Variants in TMEM69 observed in about 807,000 individuals in gnomAD.
TMEM69 encodes transmembrane protein 69.
A neutral mutation model predicts 15.8 loss-of-function variants in TMEM69; 17 were observed. The observed-to-expected ratio is 1.07, with a 90% CI of 0.73 to 1.61. The LOEUF is 1.61. TMEM69 is among the 40% of genes most tolerant of loss of function. The pLI is 0.00. For missense variants in TMEM69, 230 were observed against 286.1 expected (o/e 0.80, Z 1.41); for synonymous variants, 80 against 98.6 (o/e 0.81, Z 1.12).
At position 45,693,774 on chromosome 1, in the gene TMEM69, C is replaced by T. The variant is rs777574511; in HGVS notation, c.613C>T (p.Pro205Ser). 2 of 1,614,202 alleles carry T rather than the reference C, an allele frequency of 1.2e-6. No homozygotes were observed. Among genetic ancestry groups the T allele is most frequent in the Non-Finnish European group, 1.7e-6 (2 of 1,180,034 alleles). Reference protein sequence around the residue: ...VAFHLELFLLPHYPNWFKALR... With the variant: ...VAFHLELFLLSHYPNWFKALR... ...ATTCCACCTTGAACTTTTTCTCTTA[C>T]CACATTATCCCAACTGGTTTAAAGC... Residue 205 changes from proline (P) to serine (S), a missense_variant, in exon 3 of 3, where the codon CCA becomes TCA. Pro to Ser is a moderately conservative substitution (Grantham distance 74). Transcript: ENST00000372025.
At chr1:45,690,591 G>C (rs1210705995) in intron 1 of TMEM69, among the ~76,000 whole-genome samples, 1 of 151,496 alleles carries the variant, frequency 6.6e-6, no homozygotes, top group Non-Finnish European at 1.5e-5. Context: ...CCCAAAATAG[G>C]AGGAAAAAAG....
rs56215132 is a variant in TMEM69, at chr1:45,693,329, G to A, written c.168G>A (p.Ala56=). The A allele has an allele frequency of 7.9e-3, 12,739 of 1,613,958 alleles. 454 individuals carry two copies. The East Asian group carries it at 0.12, about 15-fold the overall frequency. The stretch of plus-strand genomic sequence containing the variant: ...CTTGGCTTTCCTCATCATTTCCAGC[G>A]TATATGAGCAAGACACAGTGCTATC... ...PRPWLSSSFP[A]YMSKTQCYHT... Residue 56 remains alanine, a synonymous_variant, in exon 3 of 3, where the codon GCG becomes GCA. Coordinates refer to ENST00000372025, the MANE Select transcript of TMEM69 (RefSeq NM_016486.4).
rs745850202 is a variant in TMEM69 at position 45,693,268 on chromosome 1, T to C, written c.107T>C (p.Met36Thr). Residue 36 changes from methionine to threonine, a missense_variant, in exon 3 of 3, where the codon ATG becomes ACG. Met to Thr is a moderately conservative substitution (Grantham distance 81, BLOSUM62 -1). Transcript: ENST00000372025. ...TSRTDILSLKMSLQQNFSPCP... is the reference protein window; with the variant it reads ...TSRTDILSLKTSLQQNFSPCP... ...AGAACAGATATACTTTCTCTCAAGA[T>C]GTCTCTCCAGCAAAACTTTTCCCCA... The C allele has an allele frequency of 6.2e-7, 1 of 1,614,224 alleles. No homozygotes were observed. Among genetic ancestry groups the C allele is most frequent in the South Asian group, 1.1e-5 (1 of 91,078 alleles).
At chr1:45,690,500 C>A (rs2148539548) in intron 1 of TMEM69, among the ~76,000 whole-genome samples, 1 of 152,202 alleles carries the variant, frequency 6.6e-6, no homozygotes, top group East Asian at 1.9e-4. Context: ...AGACTCTTGT[C>A]TCAAAACAAA....
intron 2 of TMEM69, among the ~76,000 whole-genome samples, chr1:45,691,877 G>A (rs1645347134): frequency 6.6e-6 from 1 of 150,964 alleles, no homozygotes; most frequent in African/African-American, 2.4e-5. Context: ...GCCAGGCACG[G>A]TCACTCACTC....
Position 45,688,687 on chromosome 1 carries a change from G to T in TMEM69, c.-96+412G>T, listed in dbSNP as rs554945067. ...GAGTGGTCTGGAAAGTCCTTAAGAA[G>T]AAAGTGATTTTGAACAAAAGTGATG... On this transcript the variant is annotated intron_variant, in intron 1 of 2. Coordinates refer to ENST00000372025, the MANE Select transcript of TMEM69 (RefSeq NM_016486.4). Among the ~76,000 whole-genome samples, 3 of 152,192 alleles carry T rather than the reference G, an allele frequency of 2.0e-5. No individual in the cohort carries two copies. The South Asian group carries it at 6.2e-4, about 32-fold the overall frequency.
intron 1 of TMEM69, 103 bp downstream of exon 1, chr1:45,688,378 C>T (rs1645316908): frequency 6.6e-6 from 1 of 152,222 alleles, no homozygotes; most frequent in South Asian, 2.1e-4. Flanking sequence ...CGGGCACTCT[C>T]GGGCAGGGTT....
Position 45,693,850 on chromosome 1 carries a change from T to G in TMEM69, c.689T>G (p.Leu230Ter). 1 of 1,612,830 alleles carries G rather than the reference T, an allele frequency of 6.2e-7. No homozygotes were observed. Among genetic ancestry groups the G allele is most frequent in the Non-Finnish European group, 8.5e-7 (1 of 1,179,704 alleles). Residue 230 changes from leucine (L) to a stop codon, truncating the protein, a stop_gained, in exon 3 of 3, where the codon TTA becomes TGA. Coordinates refer to ENST00000372025, the MANE Select transcript of TMEM69 (RefSeq NM_016486.4). LOFTEE classifies it high-confidence loss of function. ...LLATFSFIITLVVKSSFPEKG... is the reference protein window; with the variant it reads ...LLATFSFIIT ...GCCACTTTTTCATTTATAATCACTT[T>G]AGTAGTTAAAAGTAGTTTTCCAGAA...
At chr1:45,690,939 G>T in intron 1 of TMEM69, 35 bp from the exon 2 acceptor site, 2 of 883,382 alleles carry the variant, frequency 2.3e-6, no homozygotes, top group Non-Finnish European at 3.7e-6. Flanking sequence ...TGTATAAAAT[G>T]AGGAAAATTA....
intron 2 of TMEM69, 76 bp downstream of exon 2, chr1:45,691,186 C>A: frequency 7.8e-7 from 1 of 1,279,448 alleles, no homozygotes; most frequent in African/African-American, 1.5e-5. Flanking sequence ...GTGAAAAAGA[C>A]AAAAATCCTT....
At chr1:45,693,132 T>C in intron 2 of TMEM69, 72 bp from the exon 3 acceptor site, 1 of 1,130,602 alleles carries the variant, frequency 8.8e-7, no homozygotes, top group East Asian at 2.4e-5. Context: ...TATTTCATAC[T>C]GGGATTGACT....
At chr1:45,692,967 T>G (rs1255570107) in intron 2 of TMEM69, among the ~76,000 whole-genome samples, 1 of 152,214 alleles carries the variant, frequency 6.6e-6, no homozygotes. Flanking sequence ...ATCACTAGTT[T>G]GTGTTCAGTG....
chr1:45,691,457 C>T (rs893415920), intron 2 of TMEM69, among the ~76,000 whole-genome samples: 2 of 151,846 alleles, frequency 1.3e-5, no homozygotes, highest in Non-Finnish European at 2.9e-5. Context: ...AGAGGAGGAT[C>T]GCTTGAGCCC....
Position 45,690,969 on chromosome 1 carries a change from C to A in TMEM69, c.-95-5C>A. The A allele has an allele frequency of 7.5e-7, 1 of 1,326,358 alleles. No homozygotes were observed. The highest frequency in any genetic ancestry group is 1.1e-6 in the Non-Finnish European group (1 of 925,328). The allele number at this position is 1,326,358 out of a possible 1,614,324, so 82.2% of individuals were successfully genotyped here. ...AAATTAAGTGACACCTTGTGTTATA[C>A]ACAGAAACATGCCCCTGATTCAGTG... On this transcript the variant is annotated splice_region_variant and splice_polypyrimidine_tract_variant and intron_variant, in intron 1 of 2. Coordinates refer to ENST00000372025, the MANE Select transcript of TMEM69 (RefSeq NM_016486.4).
chr1:45,692,512 G>T (rs1037780300), intron 2 of TMEM69, among the ~76,000 whole-genome samples: 4 of 152,304 alleles, frequency 2.6e-5, no homozygotes, highest in African/African-American at 9.6e-5. Context: ...ATACGGTCCT[G>T]GCTCTCAAGT....
chr1:45,692,261 G>A (rs913693691), intron 2 of TMEM69, among the ~76,000 whole-genome samples: 1 of 152,200 alleles, frequency 6.6e-6, no homozygotes, highest in African/African-American at 2.4e-5. Flanking sequence ...AAATGGCAGG[G>A]GATCGGAAGT....
chr1:45,691,032 G>C lies in TMEM69; in HGVS notation c.-37G>C, dbSNP rs1645341293. On this transcript the variant is annotated 5_prime_UTR_variant, in exon 2 of 3. Coordinates refer to ENST00000372025, the MANE Select transcript of TMEM69 (RefSeq NM_016486.4). ...TGTAACATGTTAATCAGAACTACCT[G>C]GCATCTTCCTGAACAAGACTTTCAA... The C allele has an allele frequency of 6.2e-7, 1 of 1,613,612 alleles. No individual in the cohort carries two copies. The highest frequency in any genetic ancestry group is 1.7e-5 in the Admixed American group (1 of 60,018).
Position 45,693,566 on chromosome 1 carries a change from T to C in TMEM69, c.405T>C (p.Ser135=), listed in dbSNP as rs1314384623. 6.2e-7 allele frequency: 1 copy of C among 1,614,244 alleles called. No homozygotes were observed. The highest frequency in any genetic ancestry group is 1.3e-5 in the African/African-American group (1 of 75,072). The change falls in exon 3 of 3, where the codon AGT becomes AGC. Residue 135 remains serine, a synonymous_variant. Coordinates refer to ENST00000372025, the MANE Select transcript of TMEM69 (RefSeq NM_016486.4). ...LAFTQMAYGA[S]FLSFLGGIRW... ...TTACTCAGATGGCTTATGGAGCCAG[T>C]TTCCTATCTTTCTTGGGTGGGATCA...
intron 2 of TMEM69, among the ~76,000 whole-genome samples, chr1:45,691,615 G>T (rs1456046428): frequency 6.6e-6 from 1 of 152,084 alleles, no homozygotes; most frequent in Admixed American, 6.5e-5. Context: ...GAGGCAGGTG[G>T]ATCACTTGAG....
Sources: allele counts gnomAD v4.1 joint callset (sites outside exome capture counted in the v4.1 genomes callset), GRCh38; gene constraint gnomAD v4.1.1; transcripts MANE v1.5; gene names NCBI Gene and HGNC (gene_info 2026-07-23, HGNC 2026-07-21).